The following SLCO5A1 variants were observed in gnomAD, a reference collection of about 807,000 sequenced individuals.
The protein encoded by SLCO5A1 is organic anion transporter polypeptide-related protein 4.
Under a neutral mutation model 65.1 loss-of-function variants are expected in SLCO5A1, and 39 were observed. The ratio of observed to expected loss-of-function variants is 0.60; its 90% CI spans 0.46 to 0.78. The LOEUF (loss-of-function observed/expected upper bound fraction) is 0.78. Ranked by LOEUF, SLCO5A1 falls within the 30% of genes least tolerant of loss-of-function variation. The pLI, the probability that SLCO5A1 is intolerant of heterozygous loss-of-function variation, is 0.00. For synonymous variants in SLCO5A1, 438 were observed against 415.7 expected (o/e 1.05, Z -0.65); for missense variants, 1,029 against 1,069.4 (o/e 0.96, Z 0.53).
chr8:69,708,683 C>G (rs1815082386), intron 5 of SLCO5A1, among the ~76,000 whole-genome samples: 2 of 152,104 alleles, frequency 1.3e-5, no homozygotes, highest in South Asian at 4.2e-4. Context: ...GCGGGCAGAT[C>G]ATTTGAGGTC....
chr8:69,717,484 G>A (rs1200642804), intron 5 of SLCO5A1, among the ~76,000 whole-genome samples: 9 of 152,160 alleles, frequency 5.9e-5, no homozygotes, highest in Non-Finnish European at 4.4e-5. Flanking sequence ...ACACCACACT[G>A]TCTTGATTAC....
At chr8:69,683,033 A>T (rs936234055) in intron 6 of SLCO5A1, among the ~76,000 whole-genome samples, 1 of 152,202 alleles carries the variant, frequency 6.6e-6, no homozygotes, top group Non-Finnish European at 1.5e-5. Context: ...TCTTGAGATC[A>T]TGGTGTCTGA....
intron 5 of SLCO5A1, among the ~76,000 whole-genome samples, chr8:69,708,023 C>G (rs985006282): frequency 6.6e-6 from 1 of 152,038 alleles, no homozygotes; most frequent in African/African-American, 2.4e-5. Context: ...ATGAGATGTT[C>G]CAACAAGACG....
At chr8:69,825,033 A>G (rs1305360601) in intron 2 of SLCO5A1, among the ~76,000 whole-genome samples, 2 of 152,200 alleles carry the variant, frequency 1.3e-5, no homozygotes, top group Non-Finnish European at 2.9e-5. Flanking sequence ...AAACCACATG[A>G]TTATCTCAAT....
chr8:69,718,993 G>A (rs1197602953), intron 5 of SLCO5A1, among the ~76,000 whole-genome samples: 1 of 152,142 alleles, frequency 6.6e-6, no homozygotes, highest in East Asian at 1.9e-4. Context: ...ACCTGAAGGA[G>A]CAACGTGAAC....
chr8:69,793,652 C>T (rs1819364233), intron 2 of SLCO5A1, among the ~76,000 whole-genome samples: 1 of 151,932 alleles, frequency 6.6e-6, no homozygotes, highest in South Asian at 2.1e-4. Context: ...GTGGCTCGCA[C>T]CCATAATCCC....
At chr8:69,789,507 G>A (rs1175766715) in intron 2 of SLCO5A1, among the ~76,000 whole-genome samples, 1 of 152,180 alleles carries the variant, frequency 6.6e-6, no homozygotes, top group Non-Finnish European at 1.5e-5. Flanking sequence ...GAATGAAACA[G>A]TGGTTACCAC....
chr8:69,750,122 G>A (rs908554660), intron 4 of SLCO5A1, among the ~76,000 whole-genome samples: 2 of 152,202 alleles, frequency 1.3e-5, no homozygotes, highest in African/African-American at 4.8e-5. Context: ...GAGGTAACCA[G>A]GGGTTAAATC....
chr8:69,721,657 G>C (rs1379433447), intron 5 of SLCO5A1, among the ~76,000 whole-genome samples: 1 of 152,004 alleles, frequency 6.6e-6, no homozygotes, highest in Non-Finnish European at 1.5e-5. Flanking sequence ...CAGGTGCTCA[G>C]TTTTATTCTA....
chr8:69,732,817 A>T (rs2130838242), intron 5 of SLCO5A1, among the ~76,000 whole-genome samples: 1 of 152,214 alleles, frequency 6.6e-6, no homozygotes, highest in Non-Finnish European at 1.5e-5. Flanking sequence ...TGAACCCAAG[A>T]GGCAGAGGTT....
At chr8:69,826,213 G>C (rs1414296423) in intron 2 of SLCO5A1, among the ~76,000 whole-genome samples, 2 of 150,380 alleles carry the variant, frequency 1.3e-5, no homozygotes, top group East Asian at 3.9e-4. Flanking sequence ...TCAGGACATA[G>C]GCATGGGCAA....
intron 8 of SLCO5A1, among the ~76,000 whole-genome samples, chr8:69,677,746 A>T (rs1813608199): frequency 6.6e-6 from 1 of 152,346 alleles, no homozygotes; most frequent in African/African-American, 2.4e-5. Flanking sequence ...ACCAAGTGGG[A>T]AGGAAGCCAG....
rs116771700 is a variant in SLCO5A1, at chr8:69,773,387, G to A, written c.908-11512C>T. 2.9e-4 allele frequency among the ~76,000 whole-genome samples: 44 copies of A among 152,310 alleles called. No homozygotes were observed. In the Middle Eastern group the frequency reaches 0.01, roughly 35 times the overall value. On this transcript the variant is annotated intron_variant, in intron 2 of 9. Coordinates refer to ENST00000260126, the MANE Select transcript of SLCO5A1 (RefSeq NM_030958.3). ...GGCAGGCTCCAGCATCTAGAATGGGGAGTCCAGGCGCTCATCCTCGGGTCT... is the reference window on the plus strand; with the variant it reads ...GGCAGGCTCCAGCATCTAGAATGGGAAGTCCAGGCGCTCATCCTCGGGTCT...
chr8:69,827,651 C>A (rs547621740), intron 2 of SLCO5A1, among the ~76,000 whole-genome samples: 10 of 151,794 alleles, frequency 6.6e-5, no homozygotes, highest in Non-Finnish European at 1.5e-4. Context: ...GAAAAACGGA[C>A]AGGAAGATTA....
intron 2 of SLCO5A1, among the ~76,000 whole-genome samples, chr8:69,830,797 C>A (rs1821121204): frequency 6.6e-6 from 1 of 152,164 alleles, no homozygotes; most frequent in South Asian, 2.1e-4. Context: ...GTCAACACAC[C>A]AAATCCCACA....
rs370511523 is a variant in SLCO5A1, at chr8:69,762,314, GTA to G, written c.908-441_908-440del. 5.9e-5 allele frequency among the ~76,000 whole-genome samples: 9 copies of G among 151,954 alleles called. 1 individual carries two copies. The highest frequency in any genetic ancestry group is 2.2e-4 in the African/African-American group (9 of 41,350). On this transcript the variant is annotated intron_variant, in intron 2 of 9. Transcript: ENST00000260126. ...CCATTCTCCTGCCTCAGCCTCCTGA[GTA>G]GCTGCGACTACAGGCGCCCGCCACC...
chr8:69,830,785 A>G (rs1821120702), intron 2 of SLCO5A1, among the ~76,000 whole-genome samples: 1 of 152,176 alleles, frequency 6.6e-6, no homozygotes, highest in African/African-American at 2.4e-5. Flanking sequence ...TGACTTATGC[A>G]AGTCAACACA....
intron 9 of SLCO5A1, among the ~76,000 whole-genome samples, chr8:69,674,179 T>A (rs1033970816): frequency 1.3e-5 from 2 of 152,248 alleles, no homozygotes; most frequent in East Asian, 3.8e-4. Context: ...TTTTATTAAC[T>A]ATCACATAGC....
At chr8:69,697,734 A>G (rs376238351) in intron 6 of SLCO5A1, among the ~76,000 whole-genome samples, 6 of 152,358 alleles carry the variant, frequency 3.9e-5, no homozygotes, top group South Asian at 2.1e-4. Context: ...TTAGCCACAG[A>G]GAAATGAGAA....
Sources: allele counts gnomAD v4.1 joint callset (sites outside exome capture counted in the v4.1 genomes callset), GRCh38; gene constraint gnomAD v4.1.1; transcripts MANE v1.5; gene names NCBI Gene and HGNC (gene_info 2026-07-23, HGNC 2026-07-21).